Variants in CDC40 observed in about 807,000 individuals in gnomAD.
CDC40 encodes cell division cycle 40.
A neutral mutation model predicts 80.6 loss-of-function variants in CDC40; 27 were observed. The observed-to-expected ratio is 0.33, with a 90% CI of 0.25 to 0.46. The LOEUF is 0.46. Among genes scored for constraint, CDC40 ranks in the 20% least tolerant of loss-of-function variants. CDC40 has a pLI of 1.00. For synonymous variants in CDC40, 221 were observed against 232.6 expected (o/e 0.95, Z 0.45); for missense variants, 486 against 694.1 (o/e 0.70, Z 3.37).
At chr6:110,205,033 T>A (rs1179843955) in intron 3 of CDC40, among the ~76,000 whole-genome samples, 1 of 152,202 alleles carries the variant, frequency 6.6e-6, no homozygotes, top group Non-Finnish European at 1.5e-5. Context: ...CAAAGTATTA[T>A]ATTTCTTTAT....
chr6:110,221,315 C>T (rs1488051394), intron 12 of CDC40, among the ~76,000 whole-genome samples: 1 of 152,162 alleles, frequency 6.6e-6, no homozygotes, highest in Non-Finnish European at 1.5e-5. Flanking sequence ...GAATCACAGC[C>T]AGTGGTTTCC....
intron 10 of CDC40, 95 bp from the exon 11 acceptor site, chr6:110,219,269 A>G: frequency 1.9e-6 from 1 of 533,114 alleles, no homozygotes; most frequent in South Asian, 3.6e-5. Context: ...CTTCCTCAAA[A>G]TGTATTAAGC....
At chr6:110,199,761 T>A (rs917662019) in intron 2 of CDC40, among the ~76,000 whole-genome samples, 1 of 152,164 alleles carries the variant, frequency 6.6e-6, no homozygotes, top group Non-Finnish European at 1.5e-5. Flanking sequence ...TTATTTGTGA[T>A]GTGAGTAACA....
intron 1 of CDC40, among the ~76,000 whole-genome samples, chr6:110,184,511 A>G (rs1195458395): frequency 6.7e-6 from 1 of 149,744 alleles, no homozygotes; most frequent in East Asian, 2.0e-4. Context: ...TTTTTCATTT[A>G]TTTAACTTTC....
chr6:110,183,829 G>T (rs1358382517), intron 1 of CDC40, among the ~76,000 whole-genome samples: 2 of 152,028 alleles, frequency 1.3e-5, no homozygotes, highest in Non-Finnish European at 2.9e-5. Context: ...TATGTTATTG[G>T]TGATTTAATT....
At chr6:110,223,601 ACCT>A (rs1777806431) in intron 12 of CDC40, among the ~76,000 whole-genome samples, 1 of 152,014 alleles carries the variant, frequency 6.6e-6, no homozygotes, top group African/African-American at 2.4e-5. Flanking sequence ...GTGACAGCTG[ACCT>A]CCTCTATGGG....
At chr6:110,212,331 GT>G in intron 7 of CDC40, 59 bp downstream of exon 7, 1 of 1,535,016 alleles carries the variant, frequency 6.5e-7, no homozygotes, top group South Asian at 1.1e-5. Flanking sequence ...CCAACGTAAA[GT>G]TTTAGCTGTT....
At chr6:110,209,334 A>C (rs770491589) in intron 5 of CDC40, 111 bp downstream of exon 5, 1 of 898,940 alleles carries the variant, frequency 1.1e-6, no homozygotes, top group South Asian at 1.7e-5. Flanking sequence ...ACTCATCAAA[A>C]TTTTTCTGCC....
In CDC40 at chr6:110,180,466, C is replaced by T. The variant is rs1777163693; in HGVS notation, c.22C>T (p.Leu8=). 6 of 1,614,196 alleles carry T rather than the reference C, an allele frequency of 3.7e-6. No homozygotes were observed. Among genetic ancestry groups the T allele is most frequent in the Non-Finnish European group, 5.1e-6 (6 of 1,180,032 alleles). ...CGTCATGTCGGCTGCGATTGCAGCT[C>T]TGGCCGCTTCCTATGGTTCGGGTTC... MSAAIAA[L]AASYGSGSGS... The change falls in exon 1 of 15, where the codon CTG becomes TTG. Residue 8 remains leucine (L), a synonymous_variant. Transcript: ENST00000307731.
At chr6:110,214,194 C>G (rs1423307710) in intron 8 of CDC40, among the ~76,000 whole-genome samples, 5 of 152,094 alleles carry the variant, frequency 3.3e-5, no homozygotes, top group Non-Finnish European at 7.4e-5. Flanking sequence ...TTAACTTTTA[C>G]TTTTACTTTG....
intron 4 of CDC40, among the ~76,000 whole-genome samples, chr6:110,207,855 C>G (rs1777585783): frequency 6.6e-6 from 1 of 152,090 alleles, no homozygotes; most frequent in African/African-American, 2.4e-5. Context: ...GGCACCATGC[C>G]AACCCTGTAG....
At chr6:110,186,247 A>C (rs887327155) in intron 1 of CDC40, among the ~76,000 whole-genome samples, 1 of 152,114 alleles carries the variant, frequency 6.6e-6, no homozygotes, top group African/African-American at 2.4e-5. Flanking sequence ...TTGTCTTTTA[A>C]AAAGTTTTGG....
At chr6:110,228,801 C>T (rs1777897711) in intron 13 of CDC40, 31 bp from the exon 14 acceptor site, 1 of 1,529,162 alleles carries the variant, frequency 6.5e-7, no homozygotes, top group Non-Finnish European at 8.8e-7. Context: ...TTTAGTCTTC[C>T]TCTAAAATAC....
intron 6 of CDC40, 87 bp from the exon 7 acceptor site, chr6:110,212,045 CT>C: frequency 9.1e-7 from 1 of 1,100,862 alleles, no homozygotes. Context: ...AATGATATAC[CT>C]GTGAATAAAA....
Position 110,180,457 on chromosome 6 carries a change from A to G in CDC40, c.13A>G (p.Ile5Val), listed in dbSNP as rs1340963967. MSAA[I>V]AALAASYGSG... ...ATTTGTTGCCGTCATGTCGGCTGCG[A>G]TTGCAGCTCTGGCCGCTTCCTATGG... The change falls in exon 1 of 15, where the codon ATT (isoleucine) becomes GTT (valine). Residue 5 changes from isoleucine (I) to valine (V), a missense_variant. Transcript: ENST00000307731. The G allele has an allele frequency of 6.2e-7, 1 of 1,613,974 alleles. No individual in the cohort carries two copies. Among genetic ancestry groups the G allele is most frequent in the East Asian group, 2.2e-5 (1 of 44,884 alleles).
At chr6:110,198,900 G>A (rs986456835) in intron 2 of CDC40, 3 of 151,970 alleles carry the variant, frequency 2.0e-5, no homozygotes, top group African/African-American at 4.8e-5. Context: ...TTTTTTAATG[G>A]TTGTTCCAGA....
At chr6:110,199,830 A>G (rs1451933709) in intron 2 of CDC40, among the ~76,000 whole-genome samples, 2 of 151,450 alleles carry the variant, frequency 1.3e-5, no homozygotes, top group South Asian at 2.1e-4. Flanking sequence ...CCTCCACCCC[A>G]CCTCTGACCA....
intron 8 of CDC40, among the ~76,000 whole-genome samples, chr6:110,214,470 T>C (rs752656509): frequency 3.3e-5 from 5 of 152,002 alleles, no homozygotes; most frequent in Non-Finnish European, 7.4e-5. Context: ...GAAACAGGAG[T>C]AGAGTATGCT....
chr6:110,218,232 C>G lies in CDC40; in HGVS notation c.1090+429C>G, dbSNP rs114099719. On this transcript the variant is annotated intron_variant, in intron 10 of 14. Transcript: ENST00000307731. ...TTGGTTTTATATATTCACAGCCATA[C>G]TAATTGCTGTTTATTAATTGATTCA... 1.5e-3 allele frequency among the ~76,000 whole-genome samples: 236 copies of G among 152,324 alleles called. 3 individuals carry two copies. Among genetic ancestry groups the G allele is most frequent in the African/African-American group, 5.4e-3 (226 of 41,566 alleles).
Sources: allele counts gnomAD v4.1 joint callset (sites outside exome capture counted in the v4.1 genomes callset), GRCh38; gene constraint gnomAD v4.1.1; transcripts MANE v1.5; gene names NCBI Gene and HGNC (gene_info 2026-07-23, HGNC 2026-07-21).